Variants in LHX3 observed in about 807,000 individuals in gnomAD.
LHX3 encodes the protein LIM homeobox 3, also known as LIM/homeobox protein Lhx3.
Under a neutral mutation model 32.4 loss-of-function variants are expected in LHX3, and 21 were observed. The ratio of observed to expected loss-of-function variants is 0.65; its 90% CI spans 0.46 to 0.93. LHX3 has a LOEUF of 0.93. Among genes scored for constraint, LHX3 ranks in the 40% least tolerant of loss-of-function variants. The pLI is 0.00. For synonymous variants in LHX3, 258 were observed against 246.8 expected, an observed-to-expected ratio of 1.05 and a Z score of -0.43; for missense variants, 626 against 560.0, an observed-to-expected ratio of 1.12 and a Z score of -1.19.
intron 2 of LHX3, chr9:136,200,252 A>G: frequency 1.9e-6 from 1 of 539,018 alleles, no homozygotes; most frequent in South Asian, 2.0e-5. Flanking sequence ...AACATCACCA[A>G]TTTCGGAGGA....
intron 1 of LHX3, 61 bp from the exon 2 acceptor site, chr9:136,200,814 C>T (rs746280874): frequency 3.1e-5 from 49 of 1,590,960 alleles, no homozygotes; most frequent in Middle Eastern, 1.7e-4. Flanking sequence ...AGCCACCTTC[C>T]CACCCCAACG....
Position 136,196,801 on chromosome 9 carries a change from C to T in LHX3, c.*524G>A, listed in dbSNP as rs1831499793. The T allele has an allele frequency of 6.4e-6, 1 of 156,612 alleles. No homozygotes were observed. Among genetic ancestry groups the T allele is most frequent in the Non-Finnish European group, 1.4e-5 (1 of 71,082 alleles). 9.7% of individuals were successfully genotyped at this position (156,612 alleles called of 1,614,324 possible). On this transcript the variant is annotated 3_prime_UTR_variant, in exon 6 of 6. Transcript: ENST00000371748. ...CTGTGGTCTGGGGAGAGGAGGGGGC[C>T]TCTCCCGGAGGACACAGGTGTGTCC...
In LHX3 at chr9:136,198,804, C is replaced by A; in HGVS notation, c.623G>T (p.Arg208Leu). 2.5e-6 allele frequency: 4 copies of A among 1,608,680 alleles called. No individual in the cohort carries two copies. Among genetic ancestry groups the A allele is most frequent in the Non-Finnish European group, 3.4e-6 (4 of 1,178,902 alleles). ...CTTCAGCCTCTTCTCCTTGGCCCGG[C>A]GGTTCTGGAACCAAACCTGGGGGCG... ...MRVVQVWFQN[R>L]RAKEKRLKKD... The change falls in exon 5 of 6, where the codon CGC becomes CTC. Residue 208 changes from arginine (R) to leucine (L), a missense_variant. Coordinates refer to ENST00000371748, the MANE Select transcript of LHX3 (RefSeq NM_178138.6).
In LHX3 at chr9:136,198,625, C is replaced by CA. The variant is rs762392581; in HGVS notation, c.775+26_775+27insT. The CA allele has an allele frequency of 3.5e-5, 55 of 1,559,508 alleles. No individual in the cohort carries two copies. The African/African-American group carries it at 4.2e-4, about 12-fold the overall frequency. On this transcript the variant is annotated intron_variant, in intron 5 of 5. Transcript: ENST00000371748. ...CCCCGCCGACGCGCGCTCGTCCCCC[C>CA]CCGAGCTCCGCGATCCCTCCGCCTA...
At chr9:136,199,293 C>T (rs2131033742) in intron 3 of LHX3, among the ~76,000 whole-genome samples, 1 of 152,220 alleles carries the variant, frequency 6.6e-6, no homozygotes, top group South Asian at 2.1e-4. Flanking sequence ...GGGGCGGGGG[C>T]GGCGCCTTCC....
intron 1 of LHX3, among the ~76,000 whole-genome samples, chr9:136,202,412 G>T (rs1176206680): frequency 6.6e-6 from 1 of 152,202 alleles, no homozygotes; most frequent in Non-Finnish European, 1.5e-5. Flanking sequence ...AAGCTGGGGG[G>T]CCTGGAGAAG....
intron 2 of LHX3, chr9:136,200,160 T>G (rs936429119): frequency 1.7e-6 from 1 of 583,606 alleles, no homozygotes; most frequent in African/African-American, 1.9e-5. Flanking sequence ...AGGACCCATC[T>G]GGGGCCAGTC....
chr9:136,204,895 C>T lies in LHX3; in HGVS notation c.79+39G>A, dbSNP rs894139981. On this transcript the variant is annotated intron_variant, in intron 1 of 5. Coordinates refer to ENST00000371748, the MANE Select transcript of LHX3 (RefSeq NM_178138.6). ...ACCCCCTTCCTCGCGCCTCTGCCGC[C>T]CTTGCCGTTTCTGTCCTCAGTGTCC... The T allele has an allele frequency of 5.8e-6, 9 of 1,541,634 alleles. No homozygotes were observed. In the African/African-American group the frequency reaches 9.5e-5, roughly 16 times the overall value.
rs1241502214 is a variant in LHX3, at chr9:136,205,016, G to A, written c.-4C>T. 2.5e-6 allele frequency: 4 copies of A among 1,575,526 alleles called. No homozygotes were observed. Among genetic ancestry groups the A allele is most frequent in the Non-Finnish European group, 3.4e-6 (4 of 1,166,378 alleles). ...CGAGCCCCGTTTCCAGCAGCATCGCGGCCACCAGGCCGAGTGGCGCGAGAC... is the reference window on the plus strand; with the variant it reads ...CGAGCCCCGTTTCCAGCAGCATCGCAGCCACCAGGCCGAGTGGCGCGAGAC... On this transcript the variant is annotated 5_prime_UTR_variant, in exon 1 of 6. Coordinates refer to ENST00000371748, the MANE Select transcript of LHX3 (RefSeq NM_178138.6).
At chr9:136,201,223 T>C in intron 1 of LHX3, 1 of 1,290,030 alleles carries the variant, frequency 7.8e-7, no homozygotes, top group Non-Finnish European at 9.8e-7. Context: ...CCACTCTTTC[T>C]AGGGACTCCT....
intron 2 of LHX3, 118 bp from the exon 3 acceptor site, chr9:136,199,998 G>A (rs1376616790): frequency 4.6e-6 from 5 of 1,085,350 alleles, no homozygotes; most frequent in Non-Finnish European, 6.8e-6. Context: ...GGCTCTGTCC[G>A]GCCCTGCAGG....
At position 136,196,361 on chromosome 9, in the gene LHX3, G is replaced by A. The variant is rs893626195; in HGVS notation, c.*964C>T. On this transcript the variant is annotated 3_prime_UTR_variant, in exon 6 of 6. Transcript: ENST00000371748. ...AATAGGTAGCTCGAGATTCAGGTTT[G>A]CGGGAGTGACTTTGACTTACACACA... is the stretch of plus-strand genomic sequence containing the variant. 6.6e-6 allele frequency: 1 copy of A among 152,444 alleles called. No homozygotes were observed. Among genetic ancestry groups the A allele is most frequent in the Non-Finnish European group, 1.5e-5 (1 of 68,058 alleles). 9.4% of individuals were successfully genotyped at this position (152,444 alleles called of 1,614,324 possible). A position where few individuals can be genotyped will look rare whatever the true frequency, so the allele number is the denominator to read the frequency against.
In LHX3 at chr9:136,197,680, G is replaced by A. The variant is rs367560846; in HGVS notation, c.839C>T (p.Thr280Ile). 5 of 1,606,680 alleles carry A rather than the reference G, an allele frequency of 3.1e-6. No homozygotes were observed. The South Asian group carries it at 3.3e-5, about 11-fold the overall frequency. ...TCCCGAGGGCCGGCCCAAGGCCTGG[G>A]TGGGTTCCCCCAAGCTCCCGTAGAG... ...NGLYGSLGEP[T>I]QALGRPSGAL... Residue 280 changes from threonine (T) to isoleucine (I), a missense_variant, in exon 6 of 6, where the codon ACC becomes ATC. Transcript: ENST00000371748.
At chr9:136,199,638 T>A (rs771436059) in intron 3 of LHX3, 40 bp downstream of exon 3, 409 of 1,608,024 alleles carry the variant, frequency 2.5e-4, no homozygotes, top group Non-Finnish European at 3.2e-4. Flanking sequence ...CCCATTTTTT[T>A]CAGACCAGGA....
At position 136,199,741 on chromosome 9, in the gene LHX3, A is replaced by T; in HGVS notation, c.391T>A (p.Phe131Ile). The T allele has an allele frequency of 6.2e-7, 1 of 1,612,792 alleles. No individual in the cohort carries two copies. Among genetic ancestry groups the T allele is most frequent in the Non-Finnish European group, 8.5e-7 (1 of 1,179,910 alleles). Residue 131 changes from phenylalanine to isoleucine, a missense_variant, in exon 3 of 6, where the codon TTC becomes ATC. Phe to Ile is a conservative substitution (Grantham distance 21). Coordinates refer to ENST00000371748, the MANE Select transcript of LHX3 (RefSeq NM_178138.6). The part of the protein sequence containing the change: ...CKRQLATGDE[F>I]YLMEDSRLVC... Reference sequence around the variant, plus strand: ...AGCCGGCTGTCCTCCATGAGGTAGAACTCGTCGCCCGTGGCCAGCTGCCGC... The same window carrying T: ...AGCCGGCTGTCCTCCATGAGGTAGATCTCGTCGCCCGTGGCCAGCTGCCGC...
At position 136,199,818 on chromosome 9, in the gene LHX3, C is replaced by T. The variant is rs917604349; in HGVS notation, c.314G>A (p.Arg105His). 1.9e-6 allele frequency: 3 copies of T among 1,611,334 alleles called. No homozygotes were observed. Among genetic ancestry groups the T allele is most frequent in the Non-Finnish European group, 2.5e-6 (3 of 1,179,188 alleles). Residue 105 changes from arginine (R) to histidine (H), a missense_variant, in exon 3 of 6, where the codon CGC (arginine) becomes CAC (histidine). Coordinates refer to ENST00000371748, the MANE Select transcript of LHX3 (RefSeq NM_178138.6). ...LGIPPTQVVR[R>H]AQDFVYHLHC... is the part of the protein sequence containing the mutation. ...CAGGTGGTACACGAAGTCCTGGGCG[C>T]GGCGCACCACCTGCGTGGGCGGGAT...
chr9:136,204,820 C>T (rs1588629072), intron 1 of LHX3, 114 bp downstream of exon 1: 3 of 869,132 alleles, frequency 3.5e-6, no homozygotes, highest in East Asian at 5.3e-5. Flanking sequence ...CTCTGTGTCC[C>T]GCCTGCAGAG....
rs772705601 is a variant in LHX3 at position 136,199,928 on chromosome 9, T to C, written c.252-48A>G. Reference sequence around the variant, plus strand: ...CTCAGCGCGGAAGCGCGAGGCTCATTTCGCCCCGAGCGGGTTGGAGAGAGG... The same window carrying C: ...CTCAGCGCGGAAGCGCGAGGCTCATCTCGCCCCGAGCGGGTTGGAGAGAGG... On this transcript the variant is annotated intron_variant, in intron 2 of 5. Coordinates refer to ENST00000371748, the MANE Select transcript of LHX3 (RefSeq NM_178138.6). 14 of 1,536,530 alleles carry C rather than the reference T, an allele frequency of 9.1e-6. No individual in the cohort carries two copies. In the South Asian group the frequency reaches 1.7e-4, roughly 18 times the overall value.
chr9:136,200,397 A>C, intron 2 of LHX3, 185 bp downstream of exon 2: 1 of 646,930 alleles, frequency 1.5e-6, no homozygotes, highest in Admixed American at 2.7e-5. Flanking sequence ...CCCAGGGAGC[A>C]CCCATGGAGA....
Sources: gnomAD v4.1 joint callset for allele counts (sites outside exome capture counted in the v4.1 genomes callset) on GRCh38, gnomAD v4.1.1 for gene constraint, MANE v1.5 for transcripts, NCBI Gene and HGNC (gene_info 2026-07-23, HGNC 2026-07-21) for gene names.